MTMR3: variants seen among roughly 807,000 people sequenced by gnomAD.
MTMR3 encodes the protein myotubularin related protein 3, also known as phosphatidylinositol-3,5-bisphosphate 3-phosphatase MTMR3.
Under a neutral mutation model 132.4 loss-of-function variants are expected in MTMR3, and 32 were observed. The ratio of observed to expected loss-of-function variants is 0.24; its 90% CI spans 0.18 to 0.32. MTMR3 has a LOEUF of 0.32. Among genes scored for constraint, MTMR3 ranks in the 10% least tolerant of loss-of-function variants. MTMR3 has a pLI of 1.00. For missense variants in MTMR3, 1,216 were observed against 1,489.6 expected, an observed-to-expected ratio of 0.82 and a Z score of 3.02; for synonymous variants, 556 against 550.3, an observed-to-expected ratio of 1.01 and a Z score of -0.14.
chr22:29,999,755 C>T (rs1459797318), intron 8 of MTMR3: 1 of 152,254 alleles, frequency 6.6e-6, no homozygotes, highest in African/African-American at 2.4e-5. Flanking sequence ...GTGGCTCACA[C>T]CTGCAATCCC....
chr22:30,011,421 G>A (rs2067420916), intron 12 of MTMR3: 1 of 152,318 alleles, frequency 6.6e-6, no homozygotes. Flanking sequence ...GGAGTGCGGT[G>A]GCCTGATCTC....
chr22:29,934,336 A>G (rs1315159219), intron 1 of MTMR3, among the ~76,000 whole-genome samples: 1 of 152,194 alleles, frequency 6.6e-6, no homozygotes, highest in Non-Finnish European at 1.5e-5. Flanking sequence ...CCTGGGCGGT[A>G]GAGAGAGACT....
In MTMR3 at chr22:30,019,905, C is replaced by T. The variant is rs753973631; in HGVS notation, c.2246C>T (p.Ala749Val). 1.2e-5 allele frequency: 19 copies of T among 1,614,204 alleles called. No individual in the cohort carries two copies. The highest frequency in any genetic ancestry group is 1.5e-5 in the Non-Finnish European group (18 of 1,180,028). ...LHQDPELGDA[A>V]LRSHLDMSWP... is the part of the protein sequence containing the mutation. The stretch of plus-strand genomic sequence containing the variant: ...CAAGACCCAGAACTGGGTGATGCTG[C>T]TCTGAGGAGCCATCTGGATATGAGC... Residue 749 changes from alanine to valine, a missense_variant, in exon 17 of 20, where the codon GCT becomes GTT. Around this residue, in one of 7 missense-constraint regions of MTMR3, gnomAD observed 852 missense variants for 852.0 expected, o/e 1.00. Coordinates refer to ENST00000401950, the MANE Select transcript of MTMR3 (RefSeq NM_021090.4).
chr22:29,887,414 T>C (rs190982896), intron 1 of MTMR3, among the ~76,000 whole-genome samples: 416 of 152,372 alleles, frequency 2.7e-3, no homozygotes, highest in African/African-American at 9.4e-3. Context: ...AGAATCGTAT[T>C]GTATTAGAAT....
At chr22:29,902,372 A>G (rs560853661) in intron 1 of MTMR3, among the ~76,000 whole-genome samples, 1 of 151,838 alleles carries the variant, frequency 6.6e-6, no homozygotes, top group Non-Finnish European at 1.5e-5. Flanking sequence ...TTGTTCCTCT[A>G]AGTAGTAGAA....
intron 8 of MTMR3, 125 bp from the exon 9 acceptor site, chr22:30,002,755 A>T: frequency 1.5e-6 from 1 of 682,146 alleles, no homozygotes; most frequent in Non-Finnish European, 2.5e-6. Flanking sequence ...CATTGCCTTT[A>T]ACTGGTTCTG....
intron 1 of MTMR3, among the ~76,000 whole-genome samples, chr22:29,893,695 C>A (rs2064840299): frequency 1.3e-5 from 2 of 151,530 alleles, no homozygotes; most frequent in Admixed American, 6.6e-5. Context: ...ATAGAAGAGA[C>A]CCTGGATGGC....
At chr22:29,968,213 G>A (rs1016516917) in intron 2 of MTMR3, among the ~76,000 whole-genome samples, 1 of 152,066 alleles carries the variant, frequency 6.6e-6, no homozygotes, top group Non-Finnish European at 1.5e-5. Context: ...GCAGTGTATG[G>A]GGGTTTCACC....
At chr22:29,906,102 T>C (rs1167294703) in intron 1 of MTMR3, among the ~76,000 whole-genome samples, 1 of 152,124 alleles carries the variant, frequency 6.6e-6, no homozygotes, top group Non-Finnish European at 1.5e-5. Context: ...GCAGTCCTCC[T>C]GTGTCAGCCT....
At chr22:29,886,555 A>T (rs1242472931) in intron 1 of MTMR3, among the ~76,000 whole-genome samples, 8 of 152,278 alleles carry the variant, frequency 5.3e-5, no homozygotes, top group African/African-American at 1.9e-4. Context: ...AAGGGCCTAT[A>T]GTCTTTGACC....
At chr22:29,903,940 A>G (rs188630619) in intron 1 of MTMR3, among the ~76,000 whole-genome samples, 5 of 152,256 alleles carry the variant, frequency 3.3e-5, no homozygotes, top group African/African-American at 1.2e-4. Flanking sequence ...GTGAACAGGT[A>G]TCTCATATGT....
chr22:29,946,474 C>G (rs1395045247), intron 1 of MTMR3, among the ~76,000 whole-genome samples: 2 of 152,160 alleles, frequency 1.3e-5, no homozygotes, highest in Admixed American at 1.3e-4. Flanking sequence ...AGGACTGATC[C>G]TGTTGCATGT....
In MTMR3 at chr22:30,004,947, A is replaced by G. The variant is rs143239010; in HGVS notation, c.671+1954A>G. 678 of 152,388 alleles carry G rather than the reference A, an allele frequency of 4.4e-3. 6 individuals carry two copies. The highest frequency in any genetic ancestry group is 0.015 in the African/African-American group (640 of 41,586). The allele number at this position is 152,388 out of a possible 1,614,324, so 9.4% of individuals were successfully genotyped here. On this transcript the variant is annotated intron_variant, in intron 9 of 19. Transcript: ENST00000401950. ...CAGCGCTTGATTAGGGCTTTGTCCT[A>G]CTGTGATGAGAGAGCACTTAATTGG... is the stretch of plus-strand genomic sequence containing the variant.
intron 2 of MTMR3, among the ~76,000 whole-genome samples, chr22:29,966,054 G>A (rs1286252767): frequency 6.6e-6 from 1 of 152,118 alleles, no homozygotes; most frequent in Non-Finnish European, 1.5e-5. Flanking sequence ...TAAAAGTAGA[G>A]AAAATAGTTT....
In MTMR3 at chr22:29,949,508, C is replaced by G. The variant is rs1020932033; in HGVS notation, c.-137-7528C>G. ...AAGACTCTGTCCCCCGCGCCCCCCC[C>G]CAAAAAAAAAAAACAACACACGTAC... On this transcript the variant is annotated intron_variant, in intron 1 of 19. Coordinates refer to ENST00000401950, the MANE Select transcript of MTMR3 (RefSeq NM_021090.4). Among the ~76,000 whole-genome samples, 12 of 143,498 alleles carry G rather than the reference C, an allele frequency of 8.4e-5. 1 individual carries two copies. The highest frequency in any genetic ancestry group is 3.1e-4 in the African/African-American group (11 of 35,988). The allele number at this position is 143,498 out of a possible 152,430, so 94.1% of individuals were successfully genotyped here.
chr22:29,914,912 T>G (rs1054054095), intron 1 of MTMR3, among the ~76,000 whole-genome samples: 1 of 152,202 alleles, frequency 6.6e-6, no homozygotes, highest in South Asian at 2.1e-4. Flanking sequence ...AATGTCTTTT[T>G]TGGCCTATGA....
chr22:29,927,651 T>A (rs1024491327), intron 1 of MTMR3, among the ~76,000 whole-genome samples: 2 of 152,078 alleles, frequency 1.3e-5, no homozygotes, highest in Non-Finnish European at 2.9e-5. Context: ...CAAATACTGA[T>A]GGCCTTTCTA....
intron 2 of MTMR3, among the ~76,000 whole-genome samples, chr22:29,962,081 T>A (rs2066323367): frequency 6.6e-6 from 1 of 152,228 alleles, no homozygotes; most frequent in African/African-American, 2.4e-5. Context: ...AAAACATGTC[T>A]CCATTGTTAA....
chr22:29,907,317 G>C (rs1016069986), intron 1 of MTMR3, among the ~76,000 whole-genome samples: 1 of 151,508 alleles, frequency 6.6e-6, no homozygotes. Context: ...CAGGAGAATG[G>C]TGTGAACCCG....
Sources: allele counts gnomAD v4.1 joint callset (sites outside exome capture counted in the v4.1 genomes callset), GRCh38; gene constraint gnomAD v4.1.1; regional missense constraint gnomAD v4.1.1; transcripts MANE v1.5; gene names NCBI Gene and HGNC (gene_info 2026-07-23, HGNC 2026-07-21).